Variants in MEP1B observed in about 807,000 individuals in gnomAD.
MEP1B encodes the protein N-benzoyl-L-tyrosyl-P-amino-benzoic acid hydrolase subunit beta.
In MEP1B, 80 loss-of-function variants were observed where a neutral mutation model predicts 84.6. The ratio of observed to expected loss-of-function variants is 0.95; its 90% CI spans 0.79 to 1.14. MEP1B has a LOEUF of 1.14. Among genes scored for constraint, MEP1B ranks in the 50% most tolerant of loss-of-function variants. MEP1B has a pLI of 0.00. For missense variants in MEP1B, 766 were observed against 855.1 expected (o/e 0.90, Z 1.30); for synonymous variants, 273 against 288.1 (o/e 0.95, Z 0.53).
At chr18:32,190,608 AC>A (rs2040793203) in intron 1 of MEP1B, among the ~76,000 whole-genome samples, 1 of 152,268 alleles carries the variant, frequency 6.6e-6, no homozygotes, top group African/African-American at 2.4e-5. Flanking sequence ...TCACAAACCA[AC>A]CCAAGGTTTT....
At chr18:32,191,058 G>A (rs1362286991) in intron 1 of MEP1B, among the ~76,000 whole-genome samples, 1 of 152,068 alleles carries the variant, frequency 6.6e-6, no homozygotes, top group Non-Finnish European at 1.5e-5. Context: ...CCCATGCAAA[G>A]CAGGTACTGA....
intron 10 of MEP1B, 146 bp downstream of exon 10, chr18:32,210,862 G>C (rs1439609131): frequency 9.0e-6 from 6 of 668,702 alleles, no homozygotes; most frequent in African/African-American, 7.3e-5. Flanking sequence ...TTAAGCTGTG[G>C]AAAGGAAGCT....
At chr18:32,215,969 CATATATATATATATATATATATATATAT>C (rs10522884) in intron 12 of MEP1B, among the ~76,000 whole-genome samples, 5,240 of 134,830 alleles carry the variant, frequency 0.039, 274 homozygotes, top group African/African-American at 0.11. Flanking sequence ...TACATATATG[CATATATATATATATATATATATATATAT>C]ATATATATAT....
intron 7 of MEP1B, 53 bp from the exon 8 acceptor site, chr18:32,207,199 A>G: frequency 8.1e-7 from 1 of 1,235,532 alleles, no homozygotes; most frequent in Non-Finnish European, 1.2e-6. Flanking sequence ...ATTTGGAGTA[A>G]GATAAGCTGA....
At chr18:32,214,936 T>G (rs2041066637) in intron 11 of MEP1B, 146 bp from the exon 12 acceptor site, 1 of 620,380 alleles carries the variant, frequency 1.6e-6, no homozygotes, top group Non-Finnish European at 2.8e-6. Context: ...CCCCAGTGAT[T>G]TGCCAGGGAA....
chr18:32,213,475 A>G lies in MEP1B; in HGVS notation c.1495A>G (p.Met499Val), dbSNP rs754271974. 15 of 1,613,884 alleles carry G rather than the reference A, an allele frequency of 9.3e-6. No individual in the cohort carries two copies. In the African/African-American group the frequency reaches 9.3e-5, roughly 10 times the overall value. Residue 499 changes from methionine (M) to valine (V), a missense_variant, in exon 11 of 15, where the codon ATG (methionine) becomes GTG (valine). Transcript: ENST00000269202. ...GCCATGTCCTTGGCAACAAGCCACA[A>G]TGACACTTTTGGATCAAAATCCTGA... ...QWPCPWQQAT[M>V]TLLDQNPDIR...
chr18:32,213,554 C>G lies in MEP1B; in HGVS notation c.1574C>G (p.Thr525Ser). 1.2e-6 allele frequency: 2 copies of G among 1,605,470 alleles called. No homozygotes were observed. Among genetic ancestry groups the G allele is most frequent in the South Asian group, 2.2e-5 (2 of 90,902 alleles). Residue 525 changes from threonine (T) to serine (S), a missense_variant, in exon 11 of 15, where the codon ACC (threonine) becomes AGC (serine). Transcript: ENST00000269202. ...QRSITTDPFM[T>S]TDNGNYFWDR... ...AGTATAACTACAGACCCATTTATGA[C>G]CACCGGTTCGTAACTCATTTTCTTT...
intron 14 of MEP1B, among the ~76,000 whole-genome samples, chr18:32,218,729 G>A (rs573850223): frequency 1.3e-5 from 2 of 152,166 alleles, no homozygotes; most frequent in Non-Finnish European, 2.9e-5. Context: ...CTCCCTCTTA[G>A]GCACGTCCTG....
chr18:32,220,344 G>A lies in MEP1B; in HGVS notation c.*99G>A, dbSNP rs992243284. 10 of 1,151,488 alleles carry A rather than the reference G, an allele frequency of 8.7e-6. No individual in the cohort carries two copies. The African/African-American group carries it at 1.5e-4, about 18-fold the overall frequency. The allele number at this position is 1,151,488 out of a possible 1,614,324, so 71.3% of individuals were successfully genotyped here. A position where few individuals can be genotyped will look rare whatever the true frequency, so the allele number is the denominator to read the frequency against. On this transcript the variant is annotated 3_prime_UTR_variant, in exon 15 of 15. Transcript: ENST00000269202. ...TTACAGCCACCTCATTCTTCTAAAA[G>A]TGGATATTTTTCTGTAAATAGCTGG...
chr18:32,198,151 C>A (rs1448084852), intron 5 of MEP1B, among the ~76,000 whole-genome samples: 1 of 152,174 alleles, frequency 6.6e-6, no homozygotes, highest in Non-Finnish European at 1.5e-5. Flanking sequence ...GATAGAAAAG[C>A]ATATGCATTA....
At chr18:32,214,387 A>G (rs2041061762) in intron 11 of MEP1B, among the ~76,000 whole-genome samples, 1 of 152,220 alleles carries the variant, frequency 6.6e-6, no homozygotes, top group African/African-American at 2.4e-5. Flanking sequence ...TGAATTCTAT[A>G]TATGAAAAAC....
rs1343301303 is a variant in MEP1B at position 32,196,326 on chromosome 18, C to A, written c.250+841C>A. The A allele has an allele frequency of 2.8e-6, 2 of 704,078 alleles. No individual in the cohort carries two copies. The highest frequency in any genetic ancestry group is 5.3e-6 in the Non-Finnish European group (2 of 377,104). The allele number at this position is 704,078 out of a possible 1,614,324, so 43.6% of individuals were successfully genotyped here. A position where few individuals can be genotyped will look rare whatever the true frequency, so the allele number is the denominator to read the frequency against. ...TGTTGCTGGAGCCGTTGCGGTAGAT[C>A]TCATGCATGGCGCGCCGCAGGGCCA... On this transcript the variant is annotated intron_variant, in intron 5 of 14. Coordinates refer to ENST00000269202, the MANE Select transcript of MEP1B (RefSeq NM_005925.3). The surrounding 1 kb of genome is among the most constrained non-coding windows in gnomAD (Gnocchi z 4.4).
intron 7 of MEP1B, 101 bp from the exon 8 acceptor site, chr18:32,207,151 C>A: frequency 2.7e-6 from 2 of 739,102 alleles, no homozygotes; most frequent in South Asian, 1.9e-5. Flanking sequence ...GCAAAAATTG[C>A]TTGAGTTTAT....
At chr18:32,190,205 G>GTTT in intron 1 of MEP1B, 72 bp downstream of exon 1, 3 of 846,458 alleles carry the variant, frequency 3.5e-6, no homozygotes, top group South Asian at 2.2e-5. Flanking sequence ...AAGAACAAGT[G>GTTT]TTTTTTTTTT....
chr18:32,210,383 G>T, intron 9 of MEP1B, 118 bp from the exon 10 acceptor site: 1 of 810,188 alleles, frequency 1.2e-6, no homozygotes, highest in Non-Finnish European at 1.9e-6. Context: ...TTTCTCCCTG[G>T]CGATTTATAT....
chr18:32,195,007 G>GAAAAATTTAA (rs1318550930), intron 4 of MEP1B, among the ~76,000 whole-genome samples: 1 of 151,998 alleles, frequency 6.6e-6, no homozygotes, highest in African/African-American at 2.4e-5. Flanking sequence ...AAAAATTTTT[G>GAAAAATTTAA]AAAACTTTGG....
Position 32,204,182 on chromosome 18 carries a change from C to G in MEP1B, c.369C>G (p.Gly123=). ...CCTTTCTTGTAAACTCTCCTGTAAG[C>G]TGCTGGTCTTCAGTAGGAAATAGGC... The part of the protein sequence containing the change: ...TNYISVFKGS[G]CWSSVGNRRV... The change falls in exon 7 of 15, where the codon GGC becomes GGG. Residue 123 remains glycine, a splice_region_variant and synonymous_variant. Coordinates refer to ENST00000269202, the MANE Select transcript of MEP1B (RefSeq NM_005925.3). The G allele has an allele frequency of 1.9e-6, 3 of 1,604,084 alleles. No individual in the cohort carries two copies. The highest frequency in any genetic ancestry group is 2.6e-6 in the Non-Finnish European group (3 of 1,175,292).
At position 32,193,602 on chromosome 18, in the gene MEP1B, G is replaced by A. The variant is rs193231912; in HGVS notation, c.171+785G>A. 1.2e-3 allele frequency among the ~76,000 whole-genome samples: 178 copies of A among 152,112 alleles called. 1 individual carries two copies. The highest frequency in any genetic ancestry group is 3.7e-3 in the African/African-American group (154 of 41,500). ...TATAAATTTGAAAAAAAGAAAGAAGGCAATTTGAGAAGAGCTAGCATAGTT... is the reference window on the plus strand; with the variant it reads ...TATAAATTTGAAAAAAAGAAAGAAGACAATTTGAGAAGAGCTAGCATAGTT... On this transcript the variant is annotated intron_variant, in intron 4 of 14. Coordinates refer to ENST00000269202, the MANE Select transcript of MEP1B (RefSeq NM_005925.3).
intron 7 of MEP1B, among the ~76,000 whole-genome samples, chr18:32,206,380 T>A (rs1200463366): frequency 6.6e-6 from 1 of 151,828 alleles, no homozygotes; most frequent in Non-Finnish European, 1.5e-5. Context: ...ACTGTGGACG[T>A]CCTCAGCCTG....
Sources: allele counts gnomAD v4.1 joint callset (sites outside exome capture counted in the v4.1 genomes callset), GRCh38; gene constraint gnomAD v4.1.1; non-coding constraint Gnocchi (gnomAD v3.1); transcripts MANE v1.5; gene names NCBI Gene and HGNC (gene_info 2026-07-23, HGNC 2026-07-21).